The following AK5 variants were observed in gnomAD, a reference collection of about 807,000 sequenced individuals.
The protein encoded by AK5 is adenylate kinase isoenzyme 5.
In AK5, 27 loss-of-function variants were observed where a neutral mutation model predicts 69.5. That is an observed-to-expected ratio of 0.39 (90% CI 0.29 to 0.54). AK5 has a LOEUF of 0.54. AK5 is among the 20% of genes least tolerant of loss of function. AK5 has a pLI of 0.71. For missense variants in AK5, 531 were observed against 700.4 expected, an observed-to-expected ratio of 0.76 and a Z score of 2.73; for synonymous variants, 260 against 244.4, an observed-to-expected ratio of 1.06 and a Z score of -0.60.
At chr1:77,349,883 C>G (rs1042659000) in intron 6 of AK5, among the ~76,000 whole-genome samples, 1 of 152,194 alleles carries the variant, frequency 6.6e-6, no homozygotes, top group South Asian at 2.1e-4. Context: ...GTCCTTGTCT[C>G]CCTTAAGTCT....
chr1:77,370,267 G>A (rs113745147), intron 6 of AK5, among the ~76,000 whole-genome samples: 3 of 152,238 alleles, frequency 2.0e-5, no homozygotes, highest in African/African-American at 7.2e-5. Flanking sequence ...GAGAACTCCA[G>A]CAGTGAGCTT....
chr1:77,289,662 G>C (rs948841939), intron 2 of AK5, among the ~76,000 whole-genome samples: 1 of 152,078 alleles, frequency 6.6e-6, no homozygotes, highest in Admixed American at 6.6e-5. Context: ...TGTCAATAGA[G>C]AATGGTAAGG....
intron 8 of AK5, among the ~76,000 whole-genome samples, chr1:77,458,348 C>T (rs1457478513): frequency 6.6e-6 from 1 of 152,134 alleles, no homozygotes; most frequent in Non-Finnish European, 1.5e-5. Context: ...GACAGTGACC[C>T]TCCTGTGCAC....
At chr1:77,385,078 C>T (rs1647912027) in intron 6 of AK5, among the ~76,000 whole-genome samples, 1 of 152,172 alleles carries the variant, frequency 6.6e-6, no homozygotes, top group African/African-American at 2.4e-5. Flanking sequence ...GGGCAGTTTT[C>T]TTCATGTATC....
chr1:77,376,445 A>C (rs865883707), intron 6 of AK5, among the ~76,000 whole-genome samples: 12 of 103,760 alleles, frequency 1.2e-4, no homozygotes, highest in South Asian at 4.1e-4. Context: ...AAAAAAAAAA[A>C]AAAAACAAAA....
At chr1:77,367,877 A>ATTATATATCACATATGTTAT (rs369372295) in intron 6 of AK5, among the ~76,000 whole-genome samples, 3 of 14,208 alleles carry the variant, frequency 2.1e-4, no homozygotes, top group Non-Finnish European at 2.6e-4. Flanking sequence ...TGTGATATAT[A>ATTATATATCACATATGTTAT]ATATAAAATA....
chr1:77,435,685 G>A (rs1651916958), intron 8 of AK5, among the ~76,000 whole-genome samples: 1 of 150,856 alleles, frequency 6.6e-6, no homozygotes, highest in African/African-American at 2.4e-5. Context: ...GAAGATGGCT[G>A]AAATTTTACA....
chr1:77,335,788 A>G (rs534780328), intron 5 of AK5, among the ~76,000 whole-genome samples: 3 of 152,204 alleles, frequency 2.0e-5, no homozygotes, highest in East Asian at 1.9e-4. Flanking sequence ...ACTCCCAGTC[A>G]TATGTTATTT....
chr1:77,493,675 T>C (rs1054380183), intron 10 of AK5, among the ~76,000 whole-genome samples: 2 of 152,102 alleles, frequency 1.3e-5, no homozygotes, highest in Non-Finnish European at 2.9e-5. Context: ...CTTTCTCTCC[T>C]GAAGGGATGC....
intron 5 of AK5, among the ~76,000 whole-genome samples, chr1:77,308,619 G>A (rs941141400): frequency 6.6e-6 from 1 of 152,038 alleles, no homozygotes; most frequent in Non-Finnish European, 1.5e-5. Context: ...CAACCTAAGC[G>A]ATGTGTTTTT....
intron 10 of AK5, among the ~76,000 whole-genome samples, chr1:77,503,520 G>A (rs1656846105): frequency 6.6e-6 from 1 of 152,164 alleles, no homozygotes; most frequent in African/African-American, 2.4e-5. Flanking sequence ...ACAAGAATTT[G>A]TAAAGGGTTA....
chr1:77,423,239 A>AAAG (rs938359885), intron 8 of AK5, among the ~76,000 whole-genome samples: 3,574 of 147,734 alleles, frequency 0.024, 101 homozygotes, highest in Non-Finnish European at 0.042. Flanking sequence ...AATAAAAAAA[A>AAAG]AAGAAGAACT....
At chr1:77,462,231 A>T (rs779762021) in intron 8 of AK5, among the ~76,000 whole-genome samples, 6 of 152,122 alleles carry the variant, frequency 3.9e-5, no homozygotes, top group Non-Finnish European at 8.8e-5. Flanking sequence ...AAGCCAAGGA[A>T]CCCTCTCACT....
chr1:77,410,964 G>T lies in AK5; in HGVS notation c.892-17G>T. ...GTATTCTCACATTCCAAACTTGTCT[G>T]TCCTGATTTCCCCCAGTTTGATGCC... On this transcript the variant is annotated splice_polypyrimidine_tract_variant and intron_variant, in intron 6 of 13. Coordinates refer to ENST00000354567, the MANE Select transcript of AK5 (RefSeq NM_174858.3). 6.2e-7 allele frequency: 1 copy of T among 1,609,280 alleles called. No individual in the cohort carries two copies. The highest frequency in any genetic ancestry group is 1.1e-5 in the South Asian group (1 of 90,672).
chr1:77,359,492 A>C (rs962537520), intron 6 of AK5, among the ~76,000 whole-genome samples: 6 of 152,142 alleles, frequency 3.9e-5, no homozygotes, highest in African/African-American at 1.4e-4. Flanking sequence ...ACTTTTTTGT[A>C]AAAACTTTTC....
Position 77,444,195 on chromosome 1 carries a change from G to GTATA in AK5, c.1059+26495_1059+26498dup, listed in dbSNP as rs34198954. ...TCTCTATATATATGTCAGATAAGTG[G>GTATA]TATATATATATATATATACCACTTA... On this transcript the variant is annotated intron_variant, in intron 8 of 13. Transcript: ENST00000354567. Among the ~76,000 whole-genome samples, 903 of 108,186 alleles carry GTATA rather than the reference G, an allele frequency of 8.3e-3. 25 individuals are homozygous for GTATA. Among genetic ancestry groups the GTATA allele is most frequent in the Admixed American group, 0.011 (107 of 9,492 alleles). 71.0% of individuals were successfully genotyped at this position (108,186 alleles called of 152,430 possible).
chr1:77,456,292 C>T (rs1653480572), intron 8 of AK5, among the ~76,000 whole-genome samples: 1 of 152,190 alleles, frequency 6.6e-6, no homozygotes, highest in Non-Finnish European at 1.5e-5. Context: ...TTTCCACCTG[C>T]TTAAGGACAC....
intron 8 of AK5, among the ~76,000 whole-genome samples, chr1:77,439,777 T>C (rs7549417): frequency 0.28 from 42,394 of 150,658 alleles, 5,998 homozygotes; most frequent in South Asian, 0.41. Context: ...TATACATATA[T>C]ATGTATGTAT....
chr1:77,428,348 A>G (rs6673604), intron 8 of AK5, among the ~76,000 whole-genome samples: 4,729 of 152,258 alleles, frequency 0.031, 242 homozygotes, highest in African/African-American at 0.11. Flanking sequence ...AGAGAAAACT[A>G]TCACTTAGGT....
Sources: gnomAD v4.1 joint callset for allele counts (sites outside exome capture counted in the v4.1 genomes callset) on GRCh38, gnomAD v4.1.1 for gene constraint, MANE v1.5 for transcripts, NCBI Gene and HGNC (gene_info 2026-07-23, HGNC 2026-07-21) for gene names.